The following KLHL40 variants were observed in gnomAD, a reference collection of about 807,000 sequenced individuals.
KLHL40 encodes kelch-like protein 40.
KLHL40 carries 44 observed loss-of-function variants against 49.7 expected under a neutral mutation model. The observed-to-expected ratio is 0.89, with a 90% CI of 0.70 to 1.14. KLHL40 has a LOEUF of 1.14. KLHL40 is among the 50% of genes most tolerant of loss of function. KLHL40 has a pLI of 0.00. For missense variants in KLHL40, 892 were observed against 850.3 expected, an observed-to-expected ratio of 1.05 and a Z score of -0.61; for synonymous variants, 409 against 365.2, an observed-to-expected ratio of 1.12 and a Z score of -1.37.
chr3:42,689,802 G>A lies in KLHL40; in HGVS notation c.1607+748G>A, dbSNP rs528503648. On this transcript the variant is annotated intron_variant, in intron 4 of 5. Coordinates refer to ENST00000287777, the MANE Select transcript of KLHL40 (RefSeq NM_152393.4). ...TGGGCATGCAAATCTCCTGGGGATC[G>A]CCTTAAAGTGCAGATTCTGATTCTC... 2.6e-5 allele frequency among the ~76,000 whole-genome samples: 4 copies of A among 152,230 alleles called. No homozygotes were observed. The East Asian group carries it at 7.7e-4, about 29-fold the overall frequency.
chr3:42,690,769 T>G, intron 4 of KLHL40, 90 bp from the exon 5 acceptor site: 2 of 1,400,424 alleles, frequency 1.4e-6, no homozygotes, highest in East Asian at 2.4e-5. Context: ...TTGCAAAGGG[T>G]TGCAGTTGGA....
Position 42,692,136 on chromosome 3 carries a change from A to C in KLHL40, c.*143A>C. ...TGGTGCCTCAGGGGCTGCGTCAGCC[A>C]AGGAAAGGGAAGTGCTGCTTAGTCC... is the stretch of plus-strand genomic sequence containing the variant. On this transcript the variant is annotated 3_prime_UTR_variant, in exon 6 of 6. Transcript: ENST00000287777. 1.6e-6 allele frequency: 1 copy of C among 626,412 alleles called. No individual in the cohort carries two copies. Among genetic ancestry groups the C allele is most frequent in the East Asian group, 2.8e-5 (1 of 36,306 alleles). The allele number at this position is 626,412 out of a possible 1,614,324, so 38.8% of individuals were successfully genotyped here.
rs1351821386 is a variant in KLHL40, at chr3:42,685,611, C to T, written c.-8C>T. On this transcript the variant is annotated 5_prime_UTR_variant, in exon 1 of 6. Transcript: ENST00000287777. ...TTGGCACCGCCACCGCACCCTAGGC[C>T]ACCCACCATGGCGCTGGGCTTGGAG... 1.3e-6 allele frequency: 2 copies of T among 1,579,242 alleles called. No individual in the cohort carries two copies. Among genetic ancestry groups the T allele is most frequent in the Non-Finnish European group, 8.6e-7 (1 of 1,162,002 alleles).
intron 5 of KLHL40, among the ~76,000 whole-genome samples, 188 bp downstream of exon 5, chr3:42,691,193 A>G (rs1239346387): frequency 6.6e-6 from 1 of 152,138 alleles, no homozygotes; most frequent in Admixed American, 6.5e-5. Flanking sequence ...TTGTTGGGAA[A>G]GTCTGGGCTT....
At position 42,688,362 on chromosome 3, in the gene KLHL40, G is replaced by T. The variant is rs963831060; in HGVS notation, c.1313+60G>T. On this transcript the variant is annotated intron_variant, in intron 2 of 5. Coordinates refer to ENST00000287777, the MANE Select transcript of KLHL40 (RefSeq NM_152393.4). This position sits in a 1 kb window ranked among gnomAD's most constrained non-coding sequence, Gnocchi z 4.2. ...GGGTGAGTGGGGCATGGAGGCCGCA[G>T]CTGGTCTAGGGCCTGGGGTGGGATT... 2.9e-5 allele frequency: 45 copies of T among 1,574,886 alleles called. No homozygotes were observed. The African/African-American group carries it at 3.7e-4, about 13-fold the overall frequency.
intron 4 of KLHL40, among the ~76,000 whole-genome samples, chr3:42,689,686 G>C (rs1697330871): frequency 6.6e-6 from 1 of 152,090 alleles, no homozygotes; most frequent in South Asian, 2.1e-4. Context: ...GGAAGGTCAG[G>C]GGTGATAAAG....
In KLHL40 at chr3:42,686,330, G is replaced by A. The variant is rs1478443086; in HGVS notation, c.712G>A (p.Val238Met). ...LLPRAFLESR[V>M]ERHPLVRAQP... ...GCCGCGCGCCTTTCTGGAAAGCCGC[G>A]TGGAGCGCCACCCTCTCGTGCGTGC... The change falls in exon 1 of 6, where the codon GTG becomes ATG. Residue 238 changes from valine to methionine, a missense_variant. By Grantham distance (21) the Val-to-Met change is conservative. Coordinates refer to ENST00000287777, the MANE Select transcript of KLHL40 (RefSeq NM_152393.4). The A allele has an allele frequency of 1.9e-6, 3 of 1,609,748 alleles. No individual in the cohort carries two copies. Among genetic ancestry groups the A allele is most frequent in the Non-Finnish European group, 2.5e-6 (3 of 1,178,166 alleles).
chr3:42,685,671 T>G lies in KLHL40; in HGVS notation c.53T>G (p.Leu18Arg). 1.2e-6 allele frequency: 2 copies of G among 1,612,418 alleles called. No individual in the cohort carries two copies. The highest frequency in any genetic ancestry group is 1.7e-6 in the Non-Finnish European group (2 of 1,179,520). ...AEEQRLYQQT[L>R]LQDGLKDMLD... ...GAGCAGCGGTTGTACCAGCAGACGC[T>G]CCTGCAAGACGGGCTCAAAGACATG... The change falls in exon 1 of 6, where the codon CTC becomes CGC. Residue 18 changes from leucine to arginine, a missense_variant. Physicochemically the swap from Leu to Arg is moderately radical, Grantham distance 102. Coordinates refer to ENST00000287777, the MANE Select transcript of KLHL40 (RefSeq NM_152393.4).
intron 5 of KLHL40, 134 bp from the exon 6 acceptor site, chr3:42,691,748 A>G (rs1697373231): frequency 1.6e-6 from 1 of 643,602 alleles, no homozygotes. Context: ...CCTTTCCCAG[A>G]GCCTGGGGAT....
rs2125845564 is a variant in KLHL40, at chr3:42,688,898, A to T, written c.1451A>T (p.Asp484Val). 5 of 1,614,010 alleles carry T rather than the reference A, an allele frequency of 3.1e-6. No individual in the cohort carries two copies. Among genetic ancestry groups the T allele is most frequent in the Non-Finnish European group, 4.2e-6 (5 of 1,179,972 alleles). Residue 484 changes from aspartate (D) to valine (V), a missense_variant, in exon 4 of 6, where the codon GAC becomes GTC. Asp to Val is a radical substitution (Grantham distance 152). Coordinates refer to ENST00000287777, the MANE Select transcript of KLHL40 (RefSeq NM_152393.4). This position sits in a 1 kb window ranked among gnomAD's most constrained non-coding sequence, Gnocchi z 4.2. ...RKCLNKMCVYDPKKFEWKELA... is the reference protein window; with the variant it reads ...RKCLNKMCVYVPKKFEWKELA... ...TGCCTGAACAAGATGTGCGTCTATG[A>T]CCCCAAGAAGTTTGAGTGGAAGGAG...
chr3:42,690,823 G>T, intron 4 of KLHL40, 36 bp from the exon 5 acceptor site: 1 of 1,553,516 alleles, frequency 6.4e-7, no homozygotes, highest in Non-Finnish European at 8.7e-7. Flanking sequence ...GGCTTGCCGA[G>T]GCATCCCAAT....
chr3:42,691,427 T>C (rs1697365061), intron 5 of KLHL40, among the ~76,000 whole-genome samples: 2 of 152,132 alleles, frequency 1.3e-5, no homozygotes, highest in Admixed American at 6.5e-5. Context: ...GCTGGTCCTT[T>C]GTGGGGGTGG....
chr3:42,687,410 G>A (rs1301151112), intron 1 of KLHL40, among the ~76,000 whole-genome samples: 2 of 152,176 alleles, frequency 1.3e-5, no homozygotes, highest in Non-Finnish European at 2.9e-5. Context: ...GGTGAGTGGT[G>A]TGCTCAGGGA....
chr3:42,690,881 C>G lies in KLHL40; in HGVS notation c.1630C>G (p.Pro544Ala). ...DNKWAPFEAF[P>A]QERSSLSLVS... Reference sequence around the variant, plus strand: ...CAGGTGGGCACCCTTCGAGGCCTTCCCACAGGAGCGTAGCTCACTCAGCCT... The same window carrying G: ...CAGGTGGGCACCCTTCGAGGCCTTCGCACAGGAGCGTAGCTCACTCAGCCT... The change falls in exon 5 of 6, where the codon CCA becomes GCA. Residue 544 changes from proline to alanine, a missense_variant. Physicochemically the swap from Pro to Ala is conservative, Grantham distance 27. Coordinates refer to ENST00000287777, the MANE Select transcript of KLHL40 (RefSeq NM_152393.4). 6.2e-7 allele frequency: 1 copy of G among 1,612,000 alleles called. No homozygotes were observed. The highest frequency in any genetic ancestry group is 8.5e-7 in the Non-Finnish European group (1 of 1,178,936).
chr3:42,690,516 T>C (rs1167480296), intron 4 of KLHL40, among the ~76,000 whole-genome samples: 1 of 151,984 alleles, frequency 6.6e-6, no homozygotes, highest in Non-Finnish European at 1.5e-5. Flanking sequence ...GCAAAAGGAC[T>C]GCGTCCAGGG....
chr3:42,688,303 G>A lies in KLHL40; in HGVS notation c.1313+1G>A, dbSNP rs987988557. 4 of 1,613,952 alleles carry A rather than the reference G, an allele frequency of 2.5e-6. No homozygotes were observed. Among genetic ancestry groups the A allele is most frequent in the Admixed American group, 1.7e-5 (1 of 60,022 alleles). On this transcript the variant is annotated splice_donor_variant, in intron 2 of 5. Coordinates refer to ENST00000287777, the MANE Select transcript of KLHL40 (RefSeq NM_152393.4). LOFTEE classifies it high-confidence loss of function. The surrounding 1 kb of genome is among the most constrained non-coding windows in gnomAD (Gnocchi z 4.2). Reference sequence around the variant, plus strand: ...ACTCGGTCATGTGCTACGACAGGCTGTGAGCATGGCTGGGGTGGGGCTGAG... The same window carrying A: ...ACTCGGTCATGTGCTACGACAGGCTATGAGCATGGCTGGGGTGGGGCTGAG...
intron 5 of KLHL40, 105 bp downstream of exon 5, chr3:42,691,110 A>G (rs965826820): frequency 9.4e-6 from 11 of 1,174,860 alleles, no homozygotes; most frequent in Admixed American, 2.7e-5. Context: ...CTGGGGGCAA[A>G]GCGGATCCCT....
At position 42,688,024 on chromosome 3, in the gene KLHL40, G is replaced by C; in HGVS notation, c.1153-118G>C. The stretch of plus-strand genomic sequence containing the variant: ...CTGTTTCTCAGGGCACCTCCAGGCT[G>C]TATTGGCCCTACCTGGGTTCCCGAC... On this transcript the variant is annotated intron_variant, in intron 1 of 5. Transcript: ENST00000287777. The surrounding 1 kb of genome is among the most constrained non-coding windows in gnomAD (Gnocchi z 4.2). 8.5e-7 allele frequency: 1 copy of C among 1,170,732 alleles called. No individual in the cohort carries two copies. Among genetic ancestry groups the C allele is most frequent in the Non-Finnish European group, 1.2e-6 (1 of 812,972 alleles). 72.5% of individuals were successfully genotyped at this position (1,170,732 alleles called of 1,614,324 possible).
At chr3:42,691,823 C>T in intron 5 of KLHL40, 59 bp from the exon 6 acceptor site, 1 of 1,071,930 alleles carries the variant, frequency 9.3e-7, no homozygotes, top group South Asian at 1.3e-5. Flanking sequence ...TGCTGCGTTC[C>T]ACTCTGGACT....
Sources: allele counts gnomAD v4.1 joint callset (sites outside exome capture counted in the v4.1 genomes callset), GRCh38; gene constraint gnomAD v4.1.1; non-coding constraint Gnocchi (gnomAD v3.1); transcripts MANE v1.5; gene names NCBI Gene and HGNC (gene_info 2026-07-23, HGNC 2026-07-21).